EFHD1: variants seen among roughly 807,000 people sequenced by gnomAD.
The protein encoded by EFHD1 is EF-hand domain family member D1, also known as EF-hand domain-containing protein D1.
In EFHD1, 10 loss-of-function variants were observed where a neutral mutation model predicts 17.2. The observed-to-expected ratio is 0.58, with a 90% confidence interval of 0.36 to 0.99. The LOEUF is 0.99. Among genes scored for constraint, EFHD1 ranks in the 50% least tolerant of loss-of-function variants. The pLI, the probability that EFHD1 is intolerant of heterozygous loss-of-function variation, is 0.01. For synonymous variants in EFHD1, 153 were observed against 142.0 expected (o/e 1.08, Z -0.55); for missense variants, 310 against 327.5 (o/e 0.95, Z 0.41).
chr2:232,642,855 G>A (rs34308677), intron 1 of EFHD1, among the ~76,000 whole-genome samples: 152,142 of 152,280 alleles, frequency 1, 76,002 homozygotes, highest in Middle Eastern at 1. Flanking sequence ...ACAAGATTGT[G>A]AGAGACGATC....
At chr2:232,638,537 C>A in intron 1 of EFHD1, 1 of 458,422 alleles carries the variant, frequency 2.2e-6, no homozygotes, top group East Asian at 7.0e-5. Flanking sequence ...CTCCCAGTTT[C>A]TTTTTCTCCT....
intron 1 of EFHD1, among the ~76,000 whole-genome samples, chr2:232,643,965 T>G (rs921198389): frequency 9.8e-5 from 15 of 152,348 alleles, no homozygotes; most frequent in African/African-American, 3.4e-4. Context: ...AGGTCTTTCC[T>G]GTGGAACATC....
At chr2:232,679,629 G>A (rs531387341) in intron 3 of EFHD1, among the ~76,000 whole-genome samples, 4 of 151,102 alleles carry the variant, frequency 2.6e-5, no homozygotes, top group South Asian at 4.2e-4. Flanking sequence ...TAGGAGGATC[G>A]CTTGAGCTCG....
At chr2:232,647,390 C>G (rs1238289880) in intron 1 of EFHD1, among the ~76,000 whole-genome samples, 1 of 152,250 alleles carries the variant, frequency 6.6e-6, no homozygotes, top group East Asian at 1.9e-4. Flanking sequence ...CTGGCCTGCT[C>G]TGAGACCTGT....
intron 3 of EFHD1, among the ~76,000 whole-genome samples, chr2:232,677,167 G>A (rs1456784356): frequency 1.3e-5 from 2 of 150,484 alleles, no homozygotes; most frequent in African/African-American, 4.9e-5. Flanking sequence ...AAGTCCAGGA[G>A]TTTGAGACCA....
upstream of EFHD1, among the ~76,000 whole-genome samples, chr2:232,629,510 C>T (rs1474780933): frequency 6.6e-6 from 1 of 152,024 alleles, no homozygotes; most frequent in Non-Finnish European, 1.5e-5. Context: ...ACTCTGTCTC[C>T]CAGGCTGGAG....
intron 2 of EFHD1, among the ~76,000 whole-genome samples, chr2:232,667,171 A>C (rs1349143399): frequency 6.6e-6 from 1 of 152,086 alleles, no homozygotes; most frequent in Non-Finnish European, 1.5e-5. Flanking sequence ...CAATTTTGTT[A>C]GGGCAGCCCA....
In EFHD1 at chr2:232,655,684, C is replaced by T. The variant is rs888909954; in HGVS notation, c.303-7118C>T. On this transcript the variant is annotated intron_variant, in intron 1 of 3. Transcript: ENST00000264059. ...GCACTTAGCTAAAGTCTGTCTCACCCATTTCCATGCACAGAGCCCAGTTCT... is the reference window on the plus strand; with the variant it reads ...GCACTTAGCTAAAGTCTGTCTCACCTATTTCCATGCACAGAGCCCAGTTCT... 7.9e-5 allele frequency among the ~76,000 whole-genome samples: 12 copies of T among 152,254 alleles called. 1 individual carries two copies. Among genetic ancestry groups the T allele is most frequent in the African/African-American group, 2.9e-4 (12 of 41,472 alleles).
At chr2:232,622,484 TG>T (rs1192577981) in intron 1 of EFHD1, among the ~76,000 whole-genome samples, 1 of 59,104 alleles carries the variant, frequency 1.7e-5, no homozygotes, top group Non-Finnish European at 4.0e-5. Flanking sequence ...GGGGCGGGGG[TG>T]GGGGGGAAGA....
upstream of EFHD1, among the ~76,000 whole-genome samples, chr2:232,632,757 C>T (rs1392982595): frequency 6.6e-6 from 1 of 152,188 alleles, no homozygotes; most frequent in Non-Finnish European, 1.5e-5. Flanking sequence ...TCCTGAGTAG[C>T]TGGGACTACA....
At chr2:232,671,908 T>G (rs1230264976) in intron 2 of EFHD1, among the ~76,000 whole-genome samples, 3 of 151,472 alleles carry the variant, frequency 2.0e-5, no homozygotes, top group Admixed American at 6.6e-5. Flanking sequence ...AATATAAAAA[T>G]TAGCCGCGCA....
chr2:232,676,680 T>C (rs1695179166), intron 3 of EFHD1, among the ~76,000 whole-genome samples: 1 of 152,136 alleles, frequency 6.6e-6, no homozygotes, highest in Non-Finnish European at 1.5e-5. Flanking sequence ...AGGAGCTAAC[T>C]TCACAAGATA....
At chr2:232,651,685 G>GTCCT (rs1264158344) in intron 1 of EFHD1, among the ~76,000 whole-genome samples, 2 of 152,186 alleles carry the variant, frequency 1.3e-5, no homozygotes, top group African/African-American at 2.4e-5. Flanking sequence ...AGCTAGGCGT[G>GTCCT]GTGGCAGGGT....
intron 2 of EFHD1, among the ~76,000 whole-genome samples, chr2:232,666,561 G>T (rs906169454): frequency 9.2e-5 from 14 of 152,204 alleles, no homozygotes; most frequent in African/African-American, 3.4e-4. Context: ...CCAACTGCAG[G>T]TGCTCCTCCC....
intron 2 of EFHD1, among the ~76,000 whole-genome samples, chr2:232,665,897 C>G (rs887708595): frequency 2.0e-5 from 3 of 152,172 alleles, no homozygotes; most frequent in African/African-American, 7.2e-5. Flanking sequence ...TCACAGTTCA[C>G]TGCAGCCTCT....
At chr2:232,637,574 C>A (rs1438287733) in intron 1 of EFHD1, among the ~76,000 whole-genome samples, 2 of 152,140 alleles carry the variant, frequency 1.3e-5, no homozygotes, top group Admixed American at 6.5e-5. Context: ...GAACCCCTGA[C>A]CTCAAATGAT....
chr2:232,642,808 G>A (rs1004335614), intron 1 of EFHD1, among the ~76,000 whole-genome samples: 3 of 152,080 alleles, frequency 2.0e-5, no homozygotes, highest in African/African-American at 4.8e-5. Flanking sequence ...AGCTGTTCCC[G>A]AGGGTCACCT....
chr2:232,622,470 G>T (rs1294179693), intron 1 of EFHD1, among the ~76,000 whole-genome samples: 1 of 150,436 alleles, frequency 6.6e-6, no homozygotes, highest in African/African-American at 2.4e-5. Flanking sequence ...GCTCCGTTTC[G>T]CTGGGGGCGG....
upstream of EFHD1, among the ~76,000 whole-genome samples, chr2:232,631,989 A>C (rs1187901033): frequency 3.3e-5 from 5 of 150,888 alleles, no homozygotes; most frequent in Admixed American, 3.3e-4. Context: ...GGAAACAAGA[A>C]TGAAACTCCA....
Sources: allele counts gnomAD v4.1 joint callset (sites outside exome capture counted in the v4.1 genomes callset), GRCh38; gene constraint gnomAD v4.1.1; transcripts MANE v1.5; gene names NCBI Gene and HGNC (gene_info 2026-07-23, HGNC 2026-07-21).